The following PEAK1 variants were observed in gnomAD, a reference collection of about 807,000 sequenced individuals.
The protein encoded by PEAK1 is inactive tyrosine-protein kinase PEAK1.
PEAK1 carries 54 observed loss-of-function variants against 124.7 expected under a neutral mutation model. The observed-to-expected ratio is 0.43, with a 90% CI of 0.35 to 0.54. PEAK1 has a LOEUF of 0.54. Among genes scored for constraint, PEAK1 ranks in the 20% least tolerant of loss-of-function variants. PEAK1 has a pLI of 0.01. For missense variants in PEAK1, 2,046 were observed against 2,134.5 expected (o/e 0.96, Z 0.82); for synonymous variants, 719 against 760.0 (o/e 0.95, Z 0.89).
At chr15:77,147,463 G>A (rs1028047535) in intron 8 of PEAK1, among the ~76,000 whole-genome samples, 4 of 152,074 alleles carry the variant, frequency 2.6e-5, no homozygotes, top group East Asian at 1.9e-4. Context: ...TTGAAGGAGC[G>A]CTATCTCATT....
intron 2 of PEAK1, among the ~76,000 whole-genome samples, chr15:77,324,067 A>C (rs775804686): frequency 1.3e-5 from 2 of 152,262 alleles, no homozygotes; most frequent in African/African-American, 2.4e-5. Flanking sequence ...TTAAGACTTT[A>C]GAGACAGACA....
rs971730711 is a variant in PEAK1, at chr15:77,305,147, A to AAAGG, written c.-602-18647_-602-18644dup. ...AACAGAGCAAGACCCTGTTTCAAAA[A>AAAGG]AAGGAAGGAAGGAAGGAGGGAAGAA... is the stretch of plus-strand genomic sequence containing the variant. On this transcript the variant is annotated intron_variant, in intron 2 of 9. Coordinates refer to ENST00000682557, the MANE Select transcript of PEAK1 (RefSeq NM_001385026.1). Among the ~76,000 whole-genome samples, 21 of 113,936 alleles carry AAAGG rather than the reference A, an allele frequency of 1.8e-4. 1 individual carries two copies. The South Asian group carries it at 4.6e-3, about 25-fold the overall frequency. The allele number at this position is 113,936 out of a possible 152,430, so 74.7% of individuals were successfully genotyped here.
chr15:77,354,491 A>C (rs2067387010), intron 2 of PEAK1, among the ~76,000 whole-genome samples: 1 of 152,192 alleles, frequency 6.6e-6, no homozygotes, highest in Non-Finnish European at 1.5e-5. Context: ...ATAAAATATT[A>C]GCCATGTTAA....
rs1347597845 is a variant in PEAK1, at chr15:77,109,710, A to G, written c.*4446T>C. 6.6e-6 allele frequency: 1 copy of G among 152,226 alleles called. No individual in the cohort carries two copies. The highest frequency in any genetic ancestry group is 1.5e-5 in the Non-Finnish European group (1 of 68,050). The allele number at this position is 152,226 out of a possible 1,614,324, so 9.4% of individuals were successfully genotyped here. A position where few individuals can be genotyped will look rare whatever the true frequency, so the allele number is the denominator to read the frequency against. On this transcript the variant is annotated 3_prime_UTR_variant, in exon 10 of 10. Coordinates refer to ENST00000682557, the MANE Select transcript of PEAK1 (RefSeq NM_001385026.1). Reference sequence around the variant, plus strand: ...TATGAGCTTCGATGACATAAAGCTAATAACTTGGTTTTGTGGGCAGCCATC... The same window carrying G: ...TATGAGCTTCGATGACATAAAGCTAGTAACTTGGTTTTGTGGGCAGCCATC...
At chr15:77,289,196 A>G (rs1208119851) in intron 2 of PEAK1, among the ~76,000 whole-genome samples, 4 of 152,150 alleles carry the variant, frequency 2.6e-5, no homozygotes, top group African/African-American at 9.7e-5. Context: ...TTAGAGAAAT[A>G]TTTTCATCTT....
chr15:77,187,148 T>C (rs1246919211), intron 6 of PEAK1, among the ~76,000 whole-genome samples: 2 of 152,234 alleles, frequency 1.3e-5, no homozygotes, highest in Non-Finnish European at 2.9e-5. Flanking sequence ...GCAAATCTTC[T>C]AGATGAAATA....
intron 6 of PEAK1, among the ~76,000 whole-genome samples, chr15:77,198,684 A>C (rs1034925738): frequency 9.2e-5 from 14 of 152,244 alleles, no homozygotes; most frequent in Admixed American, 8.5e-4. Context: ...GTATACTTAG[A>C]GACTGTAATA....
chr15:77,355,265 T>C (rs1171313032), intron 2 of PEAK1, among the ~76,000 whole-genome samples: 2 of 152,080 alleles, frequency 1.3e-5, no homozygotes, highest in East Asian at 1.9e-4. Context: ...ATGGAATAAA[T>C]ACAATATGAT....
At chr15:77,250,548 T>G (rs1160223749) in intron 6 of PEAK1, among the ~76,000 whole-genome samples, 1 of 152,114 alleles carries the variant, frequency 6.6e-6, no homozygotes, top group Non-Finnish European at 1.5e-5. Flanking sequence ...CTCTCCTGCC[T>G]CAGCCTCCCG....
chr15:77,352,830 GT>G, intron 2 of PEAK1: 18 of 985,206 alleles, frequency 1.8e-5, no homozygotes, highest in Middle Eastern at 5.2e-4. Flanking sequence ...TGCCAAACAG[GT>G]GTTCATAACA....
At chr15:77,356,369 TAGAG>T (rs762715903) in intron 2 of PEAK1, among the ~76,000 whole-genome samples, 3 of 152,254 alleles carry the variant, frequency 2.0e-5, no homozygotes, top group African/African-American at 7.2e-5. Context: ...AAACAAGTAT[TAGAG>T]AGGCTGTAAA....
chr15:77,180,378 C>T lies in PEAK1; in HGVS notation c.1549G>A (p.Gly517Arg), dbSNP rs2057177280. 6.2e-7 allele frequency: 1 copy of T among 1,614,034 alleles called. No homozygotes were observed. Among genetic ancestry groups the T allele is most frequent in the Non-Finnish European group, 8.5e-7 (1 of 1,179,992 alleles). Residue 517 changes from glycine to arginine, a missense_variant, in exon 7 of 10, where the codon GGA becomes AGA. Physicochemically the swap from Gly to Arg is moderately radical, Grantham distance 125. Transcript: ENST00000682557. ...SPVTSSSLTPGQISAHFQKSS... is the reference protein window; with the variant it reads ...SPVTSSSLTPRQISAHFQKSS... Reference sequence around the variant, plus strand: ...TTTTGGAAATGGGCACTTATTTGTCCTGGTGTCAATGAAGATGATGTAACT... The same window carrying T: ...TTTTGGAAATGGGCACTTATTTGTCTTGGTGTCAATGAAGATGATGTAACT...
At chr15:77,297,026 A>G (rs75733620) in intron 2 of PEAK1, among the ~76,000 whole-genome samples, 3,334 of 151,908 alleles carry the variant, frequency 0.022, 190 homozygotes, top group African/African-American at 0.076. Flanking sequence ...ATCAGAAGTA[A>G]TCAGCTGTAA....
At chr15:77,301,028 T>A (rs1239487957) in intron 2 of PEAK1, among the ~76,000 whole-genome samples, 1 of 152,116 alleles carries the variant, frequency 6.6e-6, no homozygotes, top group South Asian at 2.1e-4. Flanking sequence ...ATTTTTGTAT[T>A]TTTTAGTAGA....
chr15:77,180,625 C>T lies in PEAK1; in HGVS notation c.1302G>A (p.Lys434=). 2 of 1,614,146 alleles carry T rather than the reference C, an allele frequency of 1.2e-6. No homozygotes were observed. The highest frequency in any genetic ancestry group is 1.7e-5 in the Admixed American group (1 of 60,024). The change falls in exon 7 of 10, where the codon AAG becomes AAA. Residue 434 remains lysine, a synonymous_variant. Coordinates refer to ENST00000682557, the MANE Select transcript of PEAK1 (RefSeq NM_001385026.1). The part of the protein sequence containing the change: ...KDGKIAVQTE[K]EESKASTDVA... ...CATCTGTAGAGGCTTTACTTTCTTC[C>T]TTCTCAGTTTGTACAGCAATCTTGC...
At chr15:77,383,724 A>T (rs1264617145) in intron 1 of PEAK1, among the ~76,000 whole-genome samples, 1 of 152,272 alleles carries the variant, frequency 6.6e-6, no homozygotes, top group East Asian at 1.9e-4. Context: ...TAATAAAAGC[A>T]CAGAAATGTG....
At chr15:77,322,861 G>A (rs2065316457) in intron 2 of PEAK1, among the ~76,000 whole-genome samples, 1 of 152,200 alleles carries the variant, frequency 6.6e-6, no homozygotes, top group African/African-American at 2.4e-5. Flanking sequence ...TATCCCTGAT[G>A]AACATCGATG....
At chr15:77,381,585 T>G in intron 1 of PEAK1, 1 of 524,204 alleles carries the variant, frequency 1.9e-6, no homozygotes, top group Non-Finnish European at 2.4e-6. Flanking sequence ...AGAGTCATTT[T>G]TATCCATCCA....
chr15:77,389,462 T>C (rs997860554), intron 1 of PEAK1, among the ~76,000 whole-genome samples: 1 of 152,136 alleles, frequency 6.6e-6, no homozygotes, highest in African/African-American at 2.4e-5. Context: ...GATAATACCA[T>C]CTCTCATGGA....
Sources: allele counts gnomAD v4.1 joint callset (sites outside exome capture counted in the v4.1 genomes callset), GRCh38; gene constraint gnomAD v4.1.1; transcripts MANE v1.5; gene names NCBI Gene and HGNC (gene_info 2026-07-23, HGNC 2026-07-21).